DOCK3: variants seen among roughly 807,000 people sequenced by gnomAD.
The protein encoded by DOCK3 is dedicator of cytokinesis 3, also known as dedicator of cytokinesis protein 3.
Under a neutral mutation model 265.6 loss-of-function variants are expected in DOCK3, and 60 were observed. That is an observed-to-expected ratio of 0.23 (90% confidence interval 0.18 to 0.28). DOCK3 has a LOEUF of 0.28. Among genes scored for constraint, DOCK3 ranks in the 10% least tolerant of loss-of-function variants. The pLI is 1.00. For synonymous variants in DOCK3, 881 were observed against 938.0 expected (o/e 0.94, Z 1.11); for missense variants, 1,981 against 2,594.3 (o/e 0.76, Z 5.14).
At chr3:50,699,098 A>G (rs1392573251) in intron 1 of DOCK3, among the ~76,000 whole-genome samples, 1 of 152,198 alleles carries the variant, frequency 6.6e-6, no homozygotes, top group African/African-American at 2.4e-5. Context: ...TCTATGTGAT[A>G]GTAGAGAAGG....
At chr3:50,904,905 T>G (rs574615520) in intron 4 of DOCK3, among the ~76,000 whole-genome samples, 42 of 152,280 alleles carry the variant, frequency 2.8e-4, no homozygotes, top group African/African-American at 9.9e-4. Flanking sequence ...GTCTAACATT[T>G]AAGTCTTTAA....
intron 5 of DOCK3, among the ~76,000 whole-genome samples, chr3:51,028,104 A>G (rs937686599): frequency 6.6e-6 from 1 of 152,074 alleles, no homozygotes; most frequent in Non-Finnish European, 1.5e-5. Flanking sequence ...GCTCTCGAGC[A>G]TTTCTTGTCG....
chr3:51,380,704 C>T (rs2241785), intron 52 of DOCK3, among the ~76,000 whole-genome samples: 14,592 of 152,192 alleles, frequency 0.096, 1,453 homozygotes, highest in East Asian at 0.33. Flanking sequence ...CTCTGGTCCA[C>T]GGCCCACCAG....
intron 9 of DOCK3, among the ~76,000 whole-genome samples, chr3:51,106,891 A>G (rs1226916024): frequency 1.3e-5 from 2 of 152,242 alleles, no homozygotes; most frequent in Non-Finnish European, 2.9e-5. Flanking sequence ...TGCCGCTGCC[A>G]TTGGCACATG....
chr3:51,277,859 C>T, intron 26 of DOCK3, 105 bp downstream of exon 26: 1 of 1,536,412 alleles, frequency 6.5e-7, no homozygotes, highest in South Asian at 1.2e-5. Context: ...TCTCAGCCTT[C>T]CCTCCTGCAT....
At chr3:51,356,607 A>G in intron 43 of DOCK3, 114 bp downstream of exon 43, 1 of 1,003,178 alleles carries the variant, frequency 1.0e-6, no homozygotes, top group South Asian at 1.4e-5. Context: ...TGCCTGGCCA[A>G]GGCTCCCACA....
chr3:51,228,623 G>C, intron 17 of DOCK3, 38 bp from the exon 18 acceptor site: 1 of 1,578,768 alleles, frequency 6.3e-7, no homozygotes, highest in South Asian at 1.2e-5. Flanking sequence ...CATGTTGCAT[G>C]GCTCAGGGGA....
At chr3:51,220,732 T>A (rs949617173) in intron 14 of DOCK3, among the ~76,000 whole-genome samples, 465 of 144,562 alleles carry the variant, frequency 3.2e-3, no homozygotes, top group Non-Finnish European at 4.6e-3. Flanking sequence ...TATATATATA[T>A]AAAATACTTG....
chr3:51,156,466 A>G (rs1235122637), intron 10 of DOCK3, among the ~76,000 whole-genome samples: 1 of 151,920 alleles, frequency 6.6e-6, no homozygotes, highest in South Asian at 2.1e-4. Flanking sequence ...TGTGAGTAAT[A>G]TAATGTAGAT....
At chr3:51,007,551 A>G (rs1043104930) in intron 5 of DOCK3, among the ~76,000 whole-genome samples, 5 of 152,102 alleles carry the variant, frequency 3.3e-5, no homozygotes, top group African/African-American at 9.7e-5. Context: ...TTGCAAAAAT[A>G]TTCTCCCATT....
intron 9 of DOCK3, among the ~76,000 whole-genome samples, chr3:51,129,086 C>T (rs2084394452): frequency 6.6e-6 from 1 of 152,200 alleles, no homozygotes; most frequent in South Asian, 2.1e-4. Context: ...TCCAATCATG[C>T]TTCTTCCAAG....
chr3:50,889,072 T>G (rs1040010293), intron 3 of DOCK3, among the ~76,000 whole-genome samples: 17 of 134,860 alleles, frequency 1.3e-4, no homozygotes, highest in Non-Finnish European at 2.3e-4. Flanking sequence ...CATGGGTGTG[T>G]GTGTGTGTGT....
intron 5 of DOCK3, among the ~76,000 whole-genome samples, chr3:50,971,901 A>G (rs181822919): frequency 1.3e-5 from 2 of 152,282 alleles, no homozygotes; most frequent in East Asian, 3.9e-4. Context: ...CTCCTGGTGA[A>G]ATCTGCTGAG....
At chr3:51,136,925 A>T (rs1337768429) in intron 9 of DOCK3, among the ~76,000 whole-genome samples, 1 of 152,128 alleles carries the variant, frequency 6.6e-6, no homozygotes, top group African/African-American at 2.4e-5. Flanking sequence ...GTTGGTGAAC[A>T]GAGTAAGGTT....
At chr3:50,931,523 A>G (rs2051067503) in intron 4 of DOCK3, among the ~76,000 whole-genome samples, 1 of 152,250 alleles carries the variant, frequency 6.6e-6, no homozygotes. Flanking sequence ...AGTAGCTTGA[A>G]GAAATAAAGG....
In DOCK3 at chr3:50,840,372, A is replaced by G. The variant is rs538919021; in HGVS notation, c.122-1303A>G. ...CATTTTATGTTAAGGTCTACGATCC[A>G]TTTTGAGTTTATTTTTGTGACTAGA... On this transcript the variant is annotated intron_variant, in intron 2 of 52. Transcript: ENST00000266037. 2.2e-4 allele frequency among the ~76,000 whole-genome samples: 33 copies of G among 152,324 alleles called. 1 individual carries two copies. The South Asian group carries it at 2.7e-3, about 12-fold the overall frequency.
intron 6 of DOCK3, among the ~76,000 whole-genome samples, chr3:51,070,895 G>T (rs926206275): frequency 4.6e-5 from 7 of 152,042 alleles, no homozygotes; most frequent in African/African-American, 1.7e-4. Flanking sequence ...CTCCTTATGA[G>T]AATCTAATGC....
At chr3:51,076,881 A>G (rs968363262) in intron 7 of DOCK3, among the ~76,000 whole-genome samples, 2 of 152,172 alleles carry the variant, frequency 1.3e-5, no homozygotes, top group African/African-American at 4.8e-5. Flanking sequence ...TAACTTCGGC[A>G]TAGAGTACCA....
chr3:51,116,869 C>T (rs1238144524), intron 9 of DOCK3, among the ~76,000 whole-genome samples: 4 of 152,130 alleles, frequency 2.6e-5, no homozygotes, highest in South Asian at 4.1e-4. Flanking sequence ...TGGGCTGAGA[C>T]GATGAGATTT....
Sources: allele counts gnomAD v4.1 joint callset (sites outside exome capture counted in the v4.1 genomes callset), GRCh38; gene constraint gnomAD v4.1.1; transcripts MANE v1.5; gene names NCBI Gene and HGNC (gene_info 2026-07-23, HGNC 2026-07-21).